KIF21A: variants seen among roughly 807,000 people sequenced by gnomAD.
KIF21A encodes kinesin family member 21A, also known as kinesin-like protein KIF21A.
In KIF21A, 114 loss-of-function variants were observed where a neutral mutation model predicts 202.9. That is an observed-to-expected ratio of 0.56 (90% CI 0.48 to 0.66). The LOEUF (loss-of-function observed/expected upper bound fraction) is 0.66, where lower values mean the gene tolerates loss of function less well. Ranked by LOEUF, KIF21A falls within the 30% of genes least tolerant of loss-of-function variation. The probability of loss-of-function intolerance (pLI) is 0.00; values close to 1 mark genes in which losing one functional copy is unlikely to be tolerated. For missense variants in KIF21A, 1,677 were observed against 1,994.9 expected (o/e 0.84, Z 3.04); for synonymous variants, 667 against 670.8 (o/e 0.99, Z 0.09).
chr12:39,428,856 G>A (rs1262176023), intron 1 of KIF21A, among the ~76,000 whole-genome samples: 1 of 151,850 alleles, frequency 6.6e-6, no homozygotes, highest in African/African-American at 2.4e-5. Flanking sequence ...TACTCGGGAG[G>A]CTGAGGCAGG....
intron 28 of KIF21A, 27 bp from the exon 29 acceptor site, chr12:39,318,228 G>C: frequency 6.2e-7 from 1 of 1,609,366 alleles, no homozygotes; most frequent in Non-Finnish European, 8.5e-7. Context: ...ACATTAAGTA[G>C]GTGGCTTTAA....
At chr12:39,364,224 A>C (rs1252020750) in intron 6 of KIF21A, among the ~76,000 whole-genome samples, 1 of 152,144 alleles carries the variant, frequency 6.6e-6, no homozygotes, top group African/African-American at 2.4e-5. Flanking sequence ...CTTTGTTAGG[A>C]AAAATAGATC....
chr12:39,399,745 G>T (rs1207591248), intron 1 of KIF21A, among the ~76,000 whole-genome samples: 3 of 152,140 alleles, frequency 2.0e-5, no homozygotes. Flanking sequence ...AGGCCCCTAG[G>T]CATCTTCCAT....
intron 1 of KIF21A, among the ~76,000 whole-genome samples, chr12:39,379,925 G>A (rs1950507490): frequency 6.6e-6 from 1 of 152,122 alleles, no homozygotes; most frequent in Non-Finnish European, 1.5e-5. Context: ...TTGAGATCCT[G>A]ATCAAATCAG....
At position 39,330,971 on chromosome 12, in the gene KIF21A, C is replaced by T. The variant is rs905557214; in HGVS notation, c.3154-60G>A. The T allele has an allele frequency of 9.1e-6, 14 of 1,536,724 alleles. No homozygotes were observed. In the Admixed American group the frequency reaches 1.8e-4, roughly 20 times the overall value. ...GAAACAGGATCTACCACACAAAGAT[C>T]TGTATCAAACAGCAAATGAATATGA... is the stretch of plus-strand genomic sequence containing the variant. On this transcript the variant is annotated intron_variant, in intron 22 of 37. Transcript: ENST00000361418.
chr12:39,320,932 CAAAAAAAAAA>C (rs59613512), intron 27 of KIF21A, among the ~76,000 whole-genome samples: 23 of 16,118 alleles, frequency 1.4e-3, no homozygotes, highest in Non-Finnish European at 2.1e-3. Context: ...AAGACTCTGC[CAAAAAAAAAA>C]AAAAAAAAAA....
intron 1 of KIF21A, among the ~76,000 whole-genome samples, chr12:39,428,348 A>G (rs1362384244): frequency 6.6e-6 from 1 of 152,246 alleles, no homozygotes; most frequent in Non-Finnish European, 1.5e-5. Context: ...GGTTGTTTTC[A>G]GGATCATTTA....
At chr12:39,355,257 C>T (rs1565928183) in intron 10 of KIF21A, among the ~76,000 whole-genome samples, 1 of 152,138 alleles carries the variant, frequency 6.6e-6, no homozygotes, top group South Asian at 2.1e-4. Flanking sequence ...TTAGATGCTG[C>T]TTTTAGCCAC....
chr12:39,298,443 C>T (rs972856021), intron 37 of KIF21A, among the ~76,000 whole-genome samples: 2 of 152,162 alleles, frequency 1.3e-5, no homozygotes, highest in African/African-American at 4.8e-5. Flanking sequence ...AGAGTTCATA[C>T]AGGGCTATGA....
At chr12:39,340,817 C>A in intron 15 of KIF21A, 89 bp downstream of exon 15, 1 of 917,688 alleles carries the variant, frequency 1.1e-6, no homozygotes, top group Non-Finnish European at 1.7e-6. Flanking sequence ...TTTAATACGG[C>A]TTCTATTTTT....
At chr12:39,431,206 C>T (rs1031580367) in intron 1 of KIF21A, among the ~76,000 whole-genome samples, 1 of 152,130 alleles carries the variant, frequency 6.6e-6, no homozygotes, top group African/African-American at 2.4e-5. Flanking sequence ...TCAGTGCCAG[C>T]CTATGTATAC....
At chr12:39,302,923 G>A (rs1268987611) in intron 36 of KIF21A, 42 bp downstream of exon 36, 1 of 1,540,600 alleles carries the variant, frequency 6.5e-7, no homozygotes, top group Non-Finnish European at 9.0e-7. Context: ...ACAGGATTGT[G>A]TTGAAATGCC....
chr12:39,357,641 G>A (rs1241027223), intron 8 of KIF21A, among the ~76,000 whole-genome samples: 5 of 151,954 alleles, frequency 3.3e-5, no homozygotes, highest in African/African-American at 4.8e-5. Flanking sequence ...CAGGTGCAGT[G>A]GCTGATACCT....
chr12:39,350,175 GTTC>G (rs547874207), intron 11 of KIF21A, among the ~76,000 whole-genome samples: 16 of 151,714 alleles, frequency 1.1e-4, no homozygotes, highest in Non-Finnish European at 2.2e-4. Flanking sequence ...TGTTTGATGA[GTTC>G]TTATTAGTAT....
In KIF21A at chr12:39,430,461, G is replaced by A. The variant is rs149912538; in HGVS notation, c.44+12466C>T. 8.0e-3 allele frequency among the ~76,000 whole-genome samples: 1,211 copies of A among 151,862 alleles called. 9 individuals carry two copies. The highest frequency in any genetic ancestry group is 0.012 in the Non-Finnish European group (810 of 67,966). ...GGCACCTGTAATCCCAGCTATTCGG[G>A]AGACTGAGGCAGGAGAATCACTTGG... On this transcript the variant is annotated intron_variant, in intron 1 of 37. Coordinates refer to ENST00000361418, the MANE Select transcript of KIF21A (RefSeq NM_001173464.2).
At chr12:39,418,038 T>C (rs1227207293) in intron 1 of KIF21A, among the ~76,000 whole-genome samples, 3 of 152,020 alleles carry the variant, frequency 2.0e-5, no homozygotes, top group Admixed American at 6.6e-5. Context: ...TGCAACCCCA[T>C]CTCTACAAAA....
chr12:39,380,237 G>T (rs1220572170), intron 1 of KIF21A, among the ~76,000 whole-genome samples: 1 of 152,138 alleles, frequency 6.6e-6, no homozygotes, highest in African/African-American at 2.4e-5. Flanking sequence ...CAAAATACTC[G>T]GGTTACAGGC....
At position 39,309,577 on chromosome 12, in the gene KIF21A, G is replaced by C. The variant is rs564331141; in HGVS notation, c.4277+9C>G. On this transcript the variant is annotated intron_variant, in intron 33 of 37. Transcript: ENST00000361418. Reference sequence around the variant, plus strand: ...CCTCCTTTATGCTATATGTCTTCAAGTTACTTACGTTAGTGTTCGAATGCA... The same window carrying C: ...CCTCCTTTATGCTATATGTCTTCAACTTACTTACGTTAGTGTTCGAATGCA... The C allele has an allele frequency of 3.5e-5, 55 of 1,579,540 alleles. 2 individuals carry two copies. In the South Asian group the frequency reaches 6.1e-4, roughly 17 times the overall value.
At chr12:39,314,070 A>G (rs1168476136) in intron 31 of KIF21A, among the ~76,000 whole-genome samples, 1 of 151,788 alleles carries the variant, frequency 6.6e-6, no homozygotes, top group African/African-American at 2.4e-5. Context: ...TGGTAAGGGA[A>G]AAAAAGGGCT....
Sources: gnomAD v4.1 joint callset for allele counts (sites outside exome capture counted in the v4.1 genomes callset) on GRCh38, gnomAD v4.1.1 for gene constraint, MANE v1.5 for transcripts, NCBI Gene and HGNC (gene_info 2026-07-23, HGNC 2026-07-21) for gene names.